Variants in BCAS1 observed in about 807,000 individuals in gnomAD.
BCAS1 encodes the protein brain enriched myelin associated protein 1.
Under a neutral mutation model 65.4 loss-of-function variants are expected in BCAS1, and 46 were observed. That is an observed-to-expected ratio of 0.70 (90% CI 0.55 to 0.90). The LOEUF (loss-of-function observed/expected upper bound fraction) is 0.90, where lower values mean the gene tolerates loss of function less well. Among genes scored for constraint, BCAS1 ranks in the 40% least tolerant of loss-of-function variants. The pLI is 0.00. For missense variants in BCAS1, 793 were observed against 771.2 expected, an observed-to-expected ratio of 1.03 and a Z score of -0.33; for synonymous variants, 298 against 293.5, an observed-to-expected ratio of 1.02 and a Z score of -0.16.
Position 53,992,579 on chromosome 20 carries a change from C to T in BCAS1, c.995G>A (p.Gly332Asp), listed in dbSNP as rs1399303707. 7.3e-7 allele frequency: 1 copy of T among 1,365,530 alleles called. No individual in the cohort carries two copies. Among genetic ancestry groups the T allele is most frequent in the East Asian group, 4.6e-5 (1 of 21,972 alleles). 84.6% of individuals were successfully genotyped at this position (1,365,530 alleles called of 1,614,324 possible). Residue 332 changes from glycine (G) to aspartate (D), a missense_variant, in exon 7 of 13, where the codon GGC (glycine) becomes GAC (aspartate). Physicochemically the swap from Gly to Asp is moderately conservative, Grantham distance 94. Transcript: ENST00000688948. Reference protein sequence around the residue: ...GQKTSEIQARGTKKKHLDSPR... With the variant: ...GQKTSEIQARDTKKKHLDSPR... ...GCTATCCAGGTGCTTTTTCTTGGTG[C>T]CTCTAGCCTGGATCTCGGATGTCTT...
chr20:54,010,886 C>T (rs1044352073), intron 4 of BCAS1, among the ~76,000 whole-genome samples: 1 of 152,132 alleles, frequency 6.6e-6, no homozygotes, highest in Non-Finnish European at 1.5e-5. Flanking sequence ...GAGACATAGA[C>T]ATATAGAACC....
chr20:54,013,534 A>G (rs181162714), intron 4 of BCAS1, among the ~76,000 whole-genome samples: 282 of 152,364 alleles, frequency 1.9e-3, no homozygotes, highest in African/African-American at 6.3e-3. Context: ...GGCATTGTGT[A>G]CCAAAACTGT....
chr20:53,958,119 T>A (rs2089760557), intron 10 of BCAS1, among the ~76,000 whole-genome samples: 1 of 152,082 alleles, frequency 6.6e-6, no homozygotes, highest in African/African-American at 2.4e-5. Context: ...CCAGGCTGGA[T>A]CTAATCAATC....
chr20:54,067,307 C>T (rs977228468), intron 1 of BCAS1, among the ~76,000 whole-genome samples: 2 of 151,282 alleles, frequency 1.3e-5, no homozygotes, highest in African/African-American at 2.4e-5. Context: ...ACCCAGGAAG[C>T]GGAGGTTGCA....
rs375285749 is a variant in BCAS1 at position 53,957,690 on chromosome 20, A to T, written c.1486-193T>A. ...GCAATTTCTAACCAGATCTAATTAA[A>T]TTCAAGTGTTGGCCTCCAAAAATAA... On this transcript the variant is annotated intron_variant, in intron 10 of 12. Coordinates refer to ENST00000688948, the MANE Select transcript of BCAS1 (RefSeq NM_001366298.2). 4.6e-5 allele frequency among the ~76,000 whole-genome samples: 7 copies of T among 152,368 alleles called. No individual in the cohort carries two copies. In the South Asian group the frequency reaches 1.4e-3, roughly 32 times the overall value.
At chr20:54,045,325 TA>T (rs2092083294) in intron 3 of BCAS1, among the ~76,000 whole-genome samples, 1 of 152,122 alleles carries the variant, frequency 6.6e-6, no homozygotes, top group African/African-American at 2.4e-5. Context: ...GAATGAATTA[TA>T]GTATGTCTAT....
chr20:54,012,772 T>G (rs1568876152), intron 4 of BCAS1, among the ~76,000 whole-genome samples: 2 of 152,228 alleles, frequency 1.3e-5, no homozygotes, highest in African/African-American at 4.8e-5. Flanking sequence ...AAGCATGCAC[T>G]GTTTGTAATT....
intron 9 of BCAS1, 105 bp downstream of exon 9, chr20:53,975,284 C>T (rs2090299123): frequency 2.1e-6 from 2 of 947,262 alleles, no homozygotes; most frequent in South Asian, 2.8e-5. Flanking sequence ...ACGAATCACA[C>T]TGGCAGCATG....
At chr20:54,062,018 T>A (rs2092382400) in intron 1 of BCAS1, among the ~76,000 whole-genome samples, 1 of 152,198 alleles carries the variant, frequency 6.6e-6, no homozygotes, top group Non-Finnish European at 1.5e-5. Context: ...TATATGAAAG[T>A]CAAATTTTGG....
intron 4 of BCAS1, among the ~76,000 whole-genome samples, chr20:54,020,943 A>T (rs568403508): frequency 1.3e-5 from 2 of 152,368 alleles, no homozygotes; most frequent in South Asian, 4.1e-4. Context: ...CTATGGGGTC[A>T]CAGTTAAATT....
intron 1 of BCAS1, among the ~76,000 whole-genome samples, chr20:54,068,215 C>T (rs1378064376): frequency 6.6e-6 from 1 of 152,200 alleles, no homozygotes; most frequent in African/African-American, 2.4e-5. Flanking sequence ...TGTTTTAGGG[C>T]TGCTTGGTGA....
At chr20:54,050,670 T>C (rs1404028560) in intron 3 of BCAS1, among the ~76,000 whole-genome samples, 1 of 152,206 alleles carries the variant, frequency 6.6e-6, no homozygotes, top group Admixed American at 6.5e-5. Context: ...GGCCAACGTG[T>C]CATCTCACTT....
At chr20:54,043,887 T>C (rs191180992) in intron 3 of BCAS1, among the ~76,000 whole-genome samples, 1 of 152,336 alleles carries the variant, frequency 6.6e-6, no homozygotes, top group East Asian at 1.9e-4. Flanking sequence ...ATTTTTCAGT[T>C]CTTGTTCCCA....
chr20:54,008,163 G>C (rs1241974138), intron 4 of BCAS1, among the ~76,000 whole-genome samples: 1 of 152,212 alleles, frequency 6.6e-6, no homozygotes, highest in Non-Finnish European at 1.5e-5. Context: ...TCCCATGCCA[G>C]AGAAAGCCAA....
chr20:53,974,886 T>C (rs1348228610), intron 9 of BCAS1, among the ~76,000 whole-genome samples: 1 of 152,212 alleles, frequency 6.6e-6, no homozygotes, highest in Non-Finnish European at 1.5e-5. Flanking sequence ...AACGTCTCTA[T>C]CTCAGAGGTA....
At chr20:54,009,877 A>T (rs1174808440) in intron 4 of BCAS1, among the ~76,000 whole-genome samples, 1 of 152,216 alleles carries the variant, frequency 6.6e-6, no homozygotes, top group Non-Finnish European at 1.5e-5. Flanking sequence ...AGAAGTATAC[A>T]TCATAACCAA....
At chr20:54,051,997 CA>C (rs1231738712) in intron 3 of BCAS1, among the ~76,000 whole-genome samples, 8 of 152,148 alleles carry the variant, frequency 5.3e-5, no homozygotes, top group African/African-American at 1.7e-4. Context: ...TCTCGGCCTC[CA>C]AAAGTGCTGG....
At chr20:53,988,600 C>T (rs971295831) in intron 7 of BCAS1, among the ~76,000 whole-genome samples, 7 of 152,136 alleles carry the variant, frequency 4.6e-5, no homozygotes, top group African/African-American at 1.7e-4. Flanking sequence ...ATGATTAAAC[C>T]AGGGTAACTG....
intron 3 of BCAS1, among the ~76,000 whole-genome samples, chr20:54,050,372 C>T (rs765877390): frequency 2.0e-5 from 3 of 152,126 alleles, no homozygotes; most frequent in Non-Finnish European, 4.4e-5. Context: ...GGAAGGGCAC[C>T]GTGCCTTGTG....
Sources: allele counts gnomAD v4.1 joint callset (sites outside exome capture counted in the v4.1 genomes callset), GRCh38; gene constraint gnomAD v4.1.1; transcripts MANE v1.5; gene names NCBI Gene and HGNC (gene_info 2026-07-23, HGNC 2026-07-21).